Variants in PITPNM1 observed in about 807,000 individuals in gnomAD.
PITPNM1 encodes the protein phosphatidylinositol transfer protein membrane associated 1, also known as membrane-associated phosphatidylinositol transfer protein 1.
Under a neutral mutation model 133.3 loss-of-function variants are expected in PITPNM1, and 74 were observed. The ratio of observed to expected loss-of-function variants is 0.56; its 90% CI spans 0.46 to 0.67. The LOEUF is 0.67. Among genes scored for constraint, PITPNM1 ranks in the 30% least tolerant of loss-of-function variants. PITPNM1 has a pLI of 0.00. For missense variants in PITPNM1, 1,398 were observed against 1,739.5 expected (o/e 0.80, Z 3.49); for synonymous variants, 738 against 741.4 (o/e 1.00, Z 0.08).
intron 22 of PITPNM1, 77 bp from the exon 23 acceptor site, chr11:67,493,139 A>G: frequency 6.4e-7 from 1 of 1,565,408 alleles, no homozygotes; most frequent in Non-Finnish European, 8.7e-7. Flanking sequence ...GGGCTTCCCC[A>G]GATTGTTCTG....
Position 67,496,337 on chromosome 11 carries a change from G to A in PITPNM1, c.2158C>T (p.Arg720Cys), listed in dbSNP as rs773532617. The change falls in exon 15 of 24, where the codon CGC becomes TGC. Residue 720 changes from arginine (R) to cysteine (C), a missense_variant. Coordinates refer to ENST00000356404, the MANE Select transcript of PITPNM1 (RefSeq NM_004910.3). ...TTGTAGATCTGTTCACAGGCTGGGC[G>A]CATCTGGGCTGCTGGTACCCAGAAG... ...VMPALEAAQM[R>C]PACEQIYNLF... 1.9e-6 allele frequency: 3 copies of A among 1,576,648 alleles called. No individual in the cohort carries two copies. The highest frequency in any genetic ancestry group is 2.4e-5 in the East Asian group (1 of 41,168).
At chr11:67,497,024 G>A (rs1204740267) in intron 14 of PITPNM1, 1 of 479,738 alleles carries the variant, frequency 2.1e-6, no homozygotes, top group Non-Finnish European at 3.7e-6. Flanking sequence ...CATCCCACGG[G>A]TGTGAAGCTC....
intron 14 of PITPNM1, 69 bp from the exon 15 acceptor site, chr11:67,496,417 G>A: frequency 7.0e-7 from 1 of 1,424,248 alleles, no homozygotes; most frequent in Non-Finnish European, 9.4e-7. Context: ...GAGGTAGGGG[G>A]TGTGGGAGCA....
rs1462506792 is a variant in PITPNM1 at position 67,497,347 on chromosome 11, G to T, written c.2030C>A (p.Pro677His). ...GCGGGCAGTGCTGCTGGGGCCGTCA[G>T]GTGCCTCGGAACTGGCAGCGGGTGG... is the stretch of plus-strand genomic sequence containing the variant. Reference protein sequence around the residue: ...FCPPAASSEAPDGPSSTARLD... With the variant: ...FCPPAASSEAHDGPSSTARLD... The change falls in exon 14 of 24, where the codon CCT becomes CAT. Residue 677 changes from proline to histidine, a missense_variant. Physicochemically the swap from Pro to His is moderately conservative, Grantham distance 77. Around this residue, in one of 5 missense-constraint regions of PITPNM1, gnomAD observed 574 missense variants for 698.7 expected, o/e 0.82. Transcript: ENST00000356404. 1 of 1,608,504 alleles carries T rather than the reference G, an allele frequency of 6.2e-7. No individual in the cohort carries two copies.
At chr11:67,493,092 C>G (rs1292156264) in intron 22 of PITPNM1, 30 bp from the exon 23 acceptor site, 3 of 1,612,132 alleles carry the variant, frequency 1.9e-6, no homozygotes, top group East Asian at 2.2e-5. Flanking sequence ...TCAGCCGCCC[C>G]AGGGGTGGAG....
chr11:67,492,888 C>T (rs750670679), intron 23 of PITPNM1, 46 bp downstream of exon 23: 2 of 1,592,556 alleles, frequency 1.3e-6, no homozygotes, highest in Non-Finnish European at 1.7e-6. Flanking sequence ...ACTGAGGGCC[C>T]TGCCCCCTGG....
At position 67,497,653 on chromosome 11, in the gene PITPNM1, A is replaced by G. The variant is rs760769224; in HGVS notation, c.1809T>C (p.Phe603=). ...SMNNELLSPE[F]GPVRDPLADG... ...CTGCCAGGGGGTCCCGCACTGGGCC[A>G]AACTCCGGAGAGAGCAGCTCATTGT... Residue 603 remains phenylalanine, a synonymous_variant, in exon 13 of 24, where the codon TTT becomes TTC. Transcript: ENST00000356404. 5.6e-6 allele frequency: 9 copies of G among 1,610,994 alleles called. No individual in the cohort carries two copies. In the Middle Eastern group the frequency reaches 4.9e-4, roughly 88 times the overall value.
At chr11:67,499,105 TC>T (rs1371412983) in intron 8 of PITPNM1, 104 bp from the exon 9 acceptor site, 1 of 1,106,378 alleles carries the variant, frequency 9.0e-7, no homozygotes, top group Admixed American at 2.6e-5. Context: ...AGGCCCCCAG[TC>T]CCTACCTTCC....
At position 67,497,355 on chromosome 11, in the gene PITPNM1, G is replaced by A. The variant is rs201996857; in HGVS notation, c.2022C>T (p.Ser674=). 22 of 1,606,260 alleles carry A rather than the reference G, an allele frequency of 1.4e-5. No homozygotes were observed. The highest frequency in any genetic ancestry group is 2.7e-5 in the African/African-American group (2 of 74,910). The change falls in exon 14 of 24, where the codon TCC becomes TCT. Residue 674 remains serine (S), a synonymous_variant. Transcript: ENST00000356404. ...TGCTGCTGGGGCCGTCAGGTGCCTC[G>A]GAACTGGCAGCGGGTGGGCAGAAGG... ...STAFCPPAAS[S]EAPDGPSSTA...
intron 18 of PITPNM1, 62 bp downstream of exon 18, chr11:67,494,784 C>T: frequency 2.6e-6 from 1 of 388,634 alleles, no homozygotes; most frequent in East Asian, 8.2e-5. Flanking sequence ...AGGGGCGGGG[C>T]CTCTCTGGTG....
rs762038253 is a variant in PITPNM1 at position 67,504,068 on chromosome 11, C to A, written c.78+35G>T. On this transcript the variant is annotated intron_variant, in intron 2 of 23. Transcript: ENST00000356404. This position sits in a 1 kb window ranked among gnomAD's most constrained non-coding sequence, Gnocchi z 5.4. The stretch of plus-strand genomic sequence containing the variant: ...GCTGGCGGGGTCGGCAGGGCTCCAC[C>A]CCTTGCCCGGGTGCCCTCTCCCCGC... 1 of 1,536,522 alleles carries A rather than the reference C, an allele frequency of 6.5e-7. No individual in the cohort carries two copies.
At position 67,491,956 on chromosome 11, in the gene PITPNM1, C is replaced by A. The variant is rs1238552712; in HGVS notation, c.*77G>T. On this transcript the variant is annotated 3_prime_UTR_variant, in exon 24 of 24. Transcript: ENST00000356404. Reference sequence around the variant, plus strand: ...CAGCGCTGGGGCCAAAAGTCTGGGTCCCCAGCCTCCCACACGCAGCCCCTC... The same window carrying A: ...CAGCGCTGGGGCCAAAAGTCTGGGTACCCAGCCTCCCACACGCAGCCCCTC... The A allele has an allele frequency of 2.0e-6, 3 of 1,515,602 alleles. No homozygotes were observed. The highest frequency in any genetic ancestry group is 4.5e-5 in the East Asian group (2 of 44,076). 93.9% of individuals were successfully genotyped at this position (1,515,602 alleles called of 1,614,324 possible).
At chr11:67,493,638 G>C in intron 21 of PITPNM1, 45 bp from the exon 22 acceptor site, 1 of 1,545,634 alleles carries the variant, frequency 6.5e-7, no homozygotes, top group Non-Finnish European at 8.7e-7. Context: ...CAGGGGTGAG[G>C]GGCCGGTCAC....
chr11:67,499,659 C>G (rs1217197875), intron 8 of PITPNM1, 64 bp downstream of exon 8: 3 of 695,758 alleles, frequency 4.3e-6, no homozygotes, highest in Non-Finnish European at 2.2e-6. Flanking sequence ...TCTTAAGATG[C>G]CATTAAACTC....
In PITPNM1 at chr11:67,497,243, G is replaced by A. The variant is rs372364879; in HGVS notation, c.2134C>T (p.Pro712Ser). Residue 712 changes from proline (P) to serine (S), a missense_variant, in exon 14 of 24, where the codon CCC (proline) becomes TCC (serine). This residue lies in a region of PITPNM1 where 574 missense variants were observed against 698.7 expected (regional missense o/e 0.82). Coordinates refer to ENST00000356404, the MANE Select transcript of PITPNM1 (RefSeq NM_004910.3). Reference protein sequence around the residue: ...LVLALRKTVMPALEAAQMRPA... With the variant: ...LVLALRKTVMSALEAAQMRPA... ...CCCTAGGACTCACCCTCCAGGGCGG[G>A]CATCACAGTTTTGCGCAGAGCCAGC... 1 of 1,607,704 alleles carries A rather than the reference G, an allele frequency of 6.2e-7. No individual in the cohort carries two copies. The highest frequency in any genetic ancestry group is 1.3e-5 in the African/African-American group (1 of 74,972).
In PITPNM1 at chr11:67,500,330, C is replaced by T; in HGVS notation, c.732G>A (p.Leu244=). Residue 244 remains leucine (L), a synonymous_variant, in exon 6 of 24, where the codon CTG becomes CTA. Transcript: ENST00000356404. ...CCAGCATGCGAGCAGTCTCCTCTTCCAGTGCCCGGATGTCAGCCATGCTCA... is the reference window on the plus strand; with the variant it reads ...CCAGCATGCGAGCAGTCTCCTCTTCTAGTGCCCGGATGTCAGCCATGCTCA... ...TELSMADIRA[L]EEETARMLAQ... 2 of 1,612,174 alleles carry T rather than the reference C, an allele frequency of 1.2e-6. No homozygotes were observed. The highest frequency in any genetic ancestry group is 2.2e-5 in the East Asian group (1 of 44,882).
In PITPNM1 at chr11:67,495,083, C is replaced by T. The variant is rs760400784; in HGVS notation, c.2625G>A (p.Leu875=). 3 of 1,612,672 alleles carry T rather than the reference C, an allele frequency of 1.9e-6. No individual in the cohort carries two copies. The highest frequency in any genetic ancestry group is 2.2e-5 in the East Asian group (1 of 44,872). The stretch of plus-strand genomic sequence containing the variant: ...TCCATATTCCCAGGCCCACCTGGCG[C>T]AGGATGAACGCCACCACGTCGGCGG... ...WESADVVAFI[L]RQVIEKERPQ... The change falls in exon 17 of 24, where the codon CTG becomes CTA. Residue 875 remains leucine, a synonymous_variant. Transcript: ENST00000356404.
chr11:67,494,499 C>T (rs1028550429), intron 18 of PITPNM1, 139 bp from the exon 19 acceptor site: 33 of 651,988 alleles, frequency 5.1e-5, no homozygotes, highest in South Asian at 5.0e-4. Context: ...AGGGCAAGCC[C>T]GGGGGGCGCA....
At position 67,495,534 on chromosome 11, in the gene PITPNM1, TG is replaced by T; in HGVS notation, c.2385del (p.Thr796ProfsTer83). Reference sequence around the variant, plus strand: ...TTCCAGAAGGCACCGCTAGTAGAGGTGGGTGTTGAGGGCACCAGCATCTCCA... The same window carrying T: ...TTCCAGAAGGCACCGCTAGTAGAGGTGGTGTTGAGGGCACCAGCATCTCCA... ...EELEMLVPSTPTSTSGAFWKG... is the reference protein window; with the variant it reads ...EELEMLVPSTXTSTSGAFWKG... On this transcript the variant is annotated frameshift_variant, in exon 16 of 24. Transcript: ENST00000356404. LOFTEE classifies it high-confidence loss of function. 1 of 1,590,062 alleles carries T rather than the reference TG, an allele frequency of 6.3e-7. No individual in the cohort carries two copies.
Sources: gnomAD v4.1 joint callset for allele counts on GRCh38, gnomAD v4.1.1 for gene constraint, gnomAD v4.1.1 regional missense constraint, Gnocchi (gnomAD v3.1) non-coding constraint, MANE v1.5 for transcripts, NCBI Gene and HGNC (gene_info 2026-07-23, HGNC 2026-07-21) for gene names.